MIER2: variants seen among roughly 807,000 people sequenced by gnomAD.
MIER2 encodes the protein mesoderm induction early response protein 2.
Under a neutral mutation model 67.6 loss-of-function variants are expected in MIER2, and 30 were observed. That is an observed-to-expected ratio of 0.44 (90% CI 0.33 to 0.60). The LOEUF is 0.60. Among genes scored for constraint, MIER2 ranks in the 20% least tolerant of loss-of-function variants. MIER2 has a pLI of 0.02. For missense variants in MIER2, 702 were observed against 745.1 expected, an observed-to-expected ratio of 0.94 and a Z score of 0.67; for synonymous variants, 372 against 312.6, an observed-to-expected ratio of 1.19 and a Z score of -2.00.
chr19:324,650 G>T (rs907013894), intron 7 of MIER2, among the ~76,000 whole-genome samples: 8 of 151,744 alleles, frequency 5.3e-5, no homozygotes, highest in African/African-American at 1.9e-4. Context: ...TCATCACAAT[G>T]CAATACACAG....
At chr19:319,964 G>GT (rs1184921869) in intron 7 of MIER2, among the ~76,000 whole-genome samples, 13 of 152,206 alleles carry the variant, frequency 8.5e-5, no homozygotes, top group African/African-American at 3.1e-4. Context: ...ATACGTATAT[G>GT]TTGATTTTCA....
chr19:311,370 G>A (rs1224368201), intron 10 of MIER2, among the ~76,000 whole-genome samples: 1 of 152,234 alleles, frequency 6.6e-6, no homozygotes, highest in Admixed American at 6.5e-5. Flanking sequence ...GTCTAAGGAA[G>A]GGCAGAAGGC....
intron 10 of MIER2, among the ~76,000 whole-genome samples, chr19:310,630 TATA>T (rs1970938178): frequency 6.0e-5 from 8 of 132,992 alleles, no homozygotes; most frequent in African/African-American, 1.2e-4. Context: ...AGCCCGGAGC[TATA>T]GAAACAGCCC....
intron 1 of MIER2, 41 bp downstream of exon 1, chr19:344,733 C>A: frequency 8.8e-7 from 1 of 1,142,450 alleles, no homozygotes; most frequent in Non-Finnish European, 1.1e-6. Flanking sequence ...GGCGCGGACG[C>A]GCGGGGGCGG....
intron 7 of MIER2, among the ~76,000 whole-genome samples, chr19:318,131 G>A (rs1971339626): frequency 6.6e-6 from 1 of 152,224 alleles, no homozygotes; most frequent in African/African-American, 2.4e-5. Context: ...TTGAACCCGG[G>A]AGGCGGAGGC....
rs1970651836 is a variant in MIER2 at position 306,436 on chromosome 19, A to C, written c.*254T>G. 1 of 595,650 alleles carries C rather than the reference A, an allele frequency of 1.7e-6. No individual in the cohort carries two copies. The highest frequency in any genetic ancestry group is 1.9e-5 in the African/African-American group (1 of 53,512). The allele number at this position is 595,650 out of a possible 1,614,324, so 36.9% of individuals were successfully genotyped here. ...CGGCTGCCCGACGGATCCCACGTGC[A>C]GGCAGCGGCCCGGACCCGGGTGGCA... On this transcript the variant is annotated 3_prime_UTR_variant, in exon 14 of 14. Coordinates refer to ENST00000264819, the MANE Select transcript of MIER2 (RefSeq NM_017550.3).
chr19:340,298 G>C (rs759301165), intron 1 of MIER2, among the ~76,000 whole-genome samples: 2 of 152,176 alleles, frequency 1.3e-5, no homozygotes, highest in Non-Finnish European at 2.9e-5. Flanking sequence ...CAGGGGTTAC[G>C]GGTGCCAACC....
chr19:333,781 CG>C, intron 3 of MIER2, among the ~76,000 whole-genome samples: 1 of 147,116 alleles, frequency 6.8e-6, no homozygotes, highest in East Asian at 2.0e-4. Flanking sequence ...CTCCGTCTCC[CG>C]GGTTCACGTC....
At chr19:322,451 G>A (rs10414947) in intron 7 of MIER2, among the ~76,000 whole-genome samples, 4,126 of 152,112 alleles carry the variant, frequency 0.027, 201 homozygotes, top group African/African-American at 0.094. Flanking sequence ...CAGCAGCAGT[G>A]CACAAAGCCC....
Position 328,104 on chromosome 19 carries a change from T to G in MIER2, c.244-115A>C, listed in dbSNP as rs548028518. 11 of 1,410,004 alleles carry G rather than the reference T, an allele frequency of 7.8e-6. No homozygotes were observed. The African/African-American group carries it at 1.5e-4, about 19-fold the overall frequency. The allele number at this position is 1,410,004 out of a possible 1,614,324, so 87.3% of individuals were successfully genotyped here. A position where few individuals can be genotyped will look rare whatever the true frequency, so the allele number is the denominator to read the frequency against. ...AACCAGGGCCACTCTGTCACACCCA[T>G]AGCAACTCCCCACATGGCAGCACTC... On this transcript the variant is annotated intron_variant, in intron 3 of 13. Transcript: ENST00000264819.
chr19:310,645 G>C (rs994039008), intron 10 of MIER2, among the ~76,000 whole-genome samples: 1 of 83,730 alleles, frequency 1.2e-5, no homozygotes, highest in Non-Finnish European at 2.2e-5. Context: ...AAACAGCCCA[G>C]AGTCCAGAAA....
rs372424722 is a variant in MIER2 at position 325,749 on chromosome 19, G to A, written c.586-45C>T. On this transcript the variant is annotated intron_variant, in intron 6 of 13. Coordinates refer to ENST00000264819, the MANE Select transcript of MIER2 (RefSeq NM_017550.3). ...GAATCAGGACACTGAGGAGCATCTAGGCCGGGCGGGAGGCTGGCTGCAGCG... is the reference window on the plus strand; with the variant it reads ...GAATCAGGACACTGAGGAGCATCTAAGCCGGGCGGGAGGCTGGCTGCAGCG... 2.7e-5 allele frequency: 44 copies of A among 1,609,320 alleles called. 2 individuals are homozygous for A. In the Middle Eastern group the frequency reaches 4.9e-4, roughly 18 times the overall value.
intron 7 of MIER2, among the ~76,000 whole-genome samples, chr19:324,118 TAA>T (rs1340195856): frequency 8.9e-6 from 1 of 112,824 alleles, no homozygotes; most frequent in South Asian, 2.6e-4. Context: ...CACAATGCAA[TAA>T]AGACACAACC....
At chr19:332,740 C>G (rs1972085811) in intron 3 of MIER2, among the ~76,000 whole-genome samples, 1 of 104,148 alleles carries the variant, frequency 9.6e-6, no homozygotes, top group Non-Finnish European at 1.9e-5. Flanking sequence ...GGCCAATTTA[C>G]ATGTCAGTTT....
At chr19:335,181 A>G (rs1358496112) in intron 2 of MIER2, among the ~76,000 whole-genome samples, 1 of 151,098 alleles carries the variant, frequency 6.6e-6, no homozygotes, top group African/African-American at 2.5e-5. Context: ...TTAAACAAAC[A>G]AAGGAAATAG....
chr19:316,297 A>T (rs1236513904), intron 7 of MIER2, among the ~76,000 whole-genome samples: 3 of 148,264 alleles, frequency 2.0e-5, no homozygotes, highest in African/African-American at 7.4e-5. Context: ...TGATATGTAG[A>T]TTTTTTTTTT....
rs747789494 is a variant in MIER2, at chr19:307,499, ATC to A, written c.1234_1235del (p.Asp412Ter). The A allele has an allele frequency of 6.6e-7, 1 of 1,521,904 alleles. No individual in the cohort carries two copies. The allele number at this position is 1,521,904 out of a possible 1,614,324, so 94.3% of individuals were successfully genotyped here. ...LSVDGTAGGL[D>X]EPGVASDGLP... ...GTCCATCAGAGGCCACTCCGGGCTCATCGAGACCACCGGCCGTGCCATCCACG... is the reference window on the plus strand; with the variant it reads ...GTCCATCAGAGGCCACTCCGGGCTCAGAGACCACCGGCCGTGCCATCCACG... On this transcript the variant is annotated frameshift_variant, in exon 13 of 14. Coordinates refer to ENST00000264819, the MANE Select transcript of MIER2 (RefSeq NM_017550.3). LOFTEE classifies it high-confidence loss of function.
At chr19:339,816 G>A (rs555422573) in intron 1 of MIER2, among the ~76,000 whole-genome samples, 3 of 147,618 alleles carry the variant, frequency 2.0e-5, no homozygotes, top group East Asian at 3.9e-4. Flanking sequence ...GCTGGGAGTT[G>A]ATCTGGGGTT....
At position 308,964 on chromosome 19, in the gene MIER2, G is replaced by C; in HGVS notation, c.985-39C>G. On this transcript the variant is annotated intron_variant, in intron 10 of 13. Transcript: ENST00000264819. This position sits in a 1 kb window ranked among gnomAD's most constrained non-coding sequence, Gnocchi z 9.1. ...TCAGGAGCCATCTCTGTCCCCGGCT[G>C]CCCAGCCCCAGCACCTGCACCACGA... The C allele has an allele frequency of 6.3e-7, 1 of 1,580,030 alleles. No homozygotes were observed. Among genetic ancestry groups the C allele is most frequent in the South Asian group, 1.1e-5 (1 of 88,888 alleles).
Sources: allele counts gnomAD v4.1 joint callset (sites outside exome capture counted in the v4.1 genomes callset), GRCh38; gene constraint gnomAD v4.1.1; non-coding constraint Gnocchi (gnomAD v3.1); transcripts MANE v1.5; gene names NCBI Gene and HGNC (gene_info 2026-07-23, HGNC 2026-07-21).